Variants in DLG1 observed in about 807,000 individuals in gnomAD.
DLG1 encodes the protein disks large homolog 1.
A neutral mutation model predicts 123.4 loss-of-function variants in DLG1; 42 were observed. The ratio of observed to expected loss-of-function variants is 0.34; its 90% CI spans 0.27 to 0.44. The LOEUF (loss-of-function observed/expected upper bound fraction) is 0.44, where lower values mean the gene tolerates loss of function less well. Among genes scored for constraint, DLG1 ranks in the 20% least tolerant of loss-of-function variants. The pLI is 1.00. For missense variants in DLG1, 942 were observed against 1,082.6 expected (o/e 0.87, Z 1.82); for synonymous variants, 317 against 356.2 (o/e 0.89, Z 1.24).
intron 8 of DLG1, among the ~76,000 whole-genome samples, chr3:197,139,701 C>T (rs148422332): frequency 0.014 from 2,168 of 152,118 alleles, 45 homozygotes; most frequent in Admixed American, 0.04. Context: ...GATCCTCTAT[C>T]CTCCGTATCT....
intron 23 of DLG1, among the ~76,000 whole-genome samples, chr3:197,058,199 T>G (rs1336755918): frequency 6.6e-6 from 1 of 152,074 alleles, no homozygotes; most frequent in Non-Finnish European, 1.5e-5. Flanking sequence ...AGGCTGGTCT[T>G]GAACTCCTGA....
At chr3:197,253,754 A>C (rs1755553103) in intron 4 of DLG1, among the ~76,000 whole-genome samples, 1 of 152,186 alleles carries the variant, frequency 6.6e-6, no homozygotes, top group South Asian at 2.1e-4. Flanking sequence ...TTGTGGTGAC[A>C]GAAATGTTCT....
chr3:197,151,873 TTA>T, intron 5 of DLG1, among the ~76,000 whole-genome samples: 1 of 152,250 alleles, frequency 6.6e-6, no homozygotes, highest in African/African-American at 2.4e-5. Flanking sequence ...GTGAGCAAAA[TTA>T]TGTTTCTTAA....
chr3:197,167,283 T>TA (rs1233848926), intron 5 of DLG1, among the ~76,000 whole-genome samples: 1 of 152,200 alleles, frequency 6.6e-6, no homozygotes, highest in Non-Finnish European at 1.5e-5. Context: ...ATCATAGTAA[T>TA]AGAGTAATTC....
At chr3:197,212,427 T>G (rs770387464) in intron 4 of DLG1, among the ~76,000 whole-genome samples, 2 of 152,232 alleles carry the variant, frequency 1.3e-5, no homozygotes, top group African/African-American at 4.8e-5. Flanking sequence ...ATGACATGAC[T>G]GTTCGCACTG....
chr3:197,231,427 G>C (rs1742968121), intron 4 of DLG1, among the ~76,000 whole-genome samples: 1 of 152,088 alleles, frequency 6.6e-6, no homozygotes. Context: ...CATACAGCCA[G>C]GTGTGGTCTT....
chr3:197,199,924 TA>T (rs1381537149), intron 4 of DLG1, among the ~76,000 whole-genome samples: 1 of 152,184 alleles, frequency 6.6e-6, no homozygotes, highest in Non-Finnish European at 1.5e-5. Context: ...ATGATTATAG[TA>T]AGAACATTCT....
chr3:197,053,720 G>A (rs1017079751), intron 23 of DLG1, among the ~76,000 whole-genome samples: 1 of 150,050 alleles, frequency 6.7e-6, no homozygotes, highest in African/African-American at 2.5e-5. Context: ...GTTGCAGTGA[G>A]CTGAGAATGA....
intron 5 of DLG1, among the ~76,000 whole-genome samples, chr3:197,151,455 T>C (rs907871148): frequency 2.0e-5 from 3 of 152,164 alleles, no homozygotes; most frequent in African/African-American, 7.2e-5. Context: ...CTCGCTAATA[T>C]TGAAATATAT....
At chr3:197,131,553 C>T (rs1391388565) in intron 10 of DLG1, among the ~76,000 whole-genome samples, 1 of 143,106 alleles carries the variant, frequency 7.0e-6, no homozygotes, top group African/African-American at 2.5e-5. Context: ...AATATGATGA[C>T]ATCAGCAAAT....
chr3:197,189,829 G>C (rs1013746216), intron 5 of DLG1, among the ~76,000 whole-genome samples: 1 of 152,146 alleles, frequency 6.6e-6, no homozygotes, highest in Non-Finnish European at 1.5e-5. Context: ...ACTACACAAA[G>C]ATCGCCACTC....
chr3:197,166,411 G>A (rs879097860), intron 5 of DLG1, among the ~76,000 whole-genome samples: 4 of 152,042 alleles, frequency 2.6e-5, no homozygotes, highest in Admixed American at 2.0e-4. Flanking sequence ...AAAATTGGAG[G>A]TATTGGTATA....
intron 5 of DLG1, among the ~76,000 whole-genome samples, chr3:197,186,914 G>C (rs754750835): frequency 2.0e-5 from 3 of 151,804 alleles, no homozygotes; most frequent in Non-Finnish European, 4.4e-5. Flanking sequence ...AGGACAAGAG[G>C]AAAAGCAATA....
chr3:197,214,341 G>T (rs138897268), intron 4 of DLG1, among the ~76,000 whole-genome samples: 5 of 152,208 alleles, frequency 3.3e-5, no homozygotes, highest in African/African-American at 1.2e-4. Context: ...TTGGGAGGCC[G>T]AGGTGGGAGG....
chr3:197,103,113 C>T (rs1402244065), intron 14 of DLG1, among the ~76,000 whole-genome samples: 3 of 152,182 alleles, frequency 2.0e-5, no homozygotes, highest in Non-Finnish European at 4.4e-5. Context: ...CAAACATTCT[C>T]AACATTCCAT....
rs577662103 is a variant in DLG1, at chr3:197,084,966, T to C, written c.1838+614A>G. On this transcript the variant is annotated intron_variant, in intron 16 of 24. Coordinates refer to ENST00000667157, the MANE Select transcript of DLG1 (RefSeq NM_001366207.1). ...CATGCCCAGGTAATTTTTGTATTTT[T>C]AGTAGAGACAGGCTTTCACCACGTT... Among the ~76,000 whole-genome samples the C allele has an allele frequency of 7.9e-5, 12 of 151,652 alleles. 1 individual carries two copies. The South Asian group carries it at 1.9e-3, about 24-fold the overall frequency.
chr3:197,162,838 GA>G (rs549202964), intron 5 of DLG1, among the ~76,000 whole-genome samples: 164 of 152,054 alleles, frequency 1.1e-3, no homozygotes, highest in Non-Finnish European at 1.1e-3. Flanking sequence ...AATGATGAAA[GA>G]AAAAAATCAA....
intron 4 of DLG1, among the ~76,000 whole-genome samples, chr3:197,280,334 A>ATT (rs1553813640): frequency 1.0e-5 from 1 of 96,250 alleles, no homozygotes; most frequent in African/African-American, 3.9e-5. Flanking sequence ...ATAGTAGTCC[A>ATT]TTTTGTGTGT....
intron 5 of DLG1, chr3:197,183,961 A>G: frequency 7.0e-6 from 10 of 1,428,088 alleles, no homozygotes; most frequent in Non-Finnish European, 8.2e-6. Flanking sequence ...TCATTTTCTC[A>G]GTGATTTCTT....
Sources: allele counts gnomAD v4.1 joint callset (sites outside exome capture counted in the v4.1 genomes callset), GRCh38; gene constraint gnomAD v4.1.1; transcripts MANE v1.5; gene names NCBI Gene and HGNC (gene_info 2026-07-23, HGNC 2026-07-21).